Variants in DGKB observed in about 807,000 individuals in gnomAD.
DGKB encodes diacylglycerol kinase beta.
In DGKB, 67 loss-of-function variants were observed where a neutral mutation model predicts 114.3. The ratio of observed to expected loss-of-function variants is 0.59; its 90% CI spans 0.48 to 0.72. The LOEUF (loss-of-function observed/expected upper bound fraction) is 0.72. DGKB is among the 30% of genes least tolerant of loss of function. The probability of loss-of-function intolerance (pLI) is 0.00; values close to 1 mark genes in which losing one functional copy is unlikely to be tolerated. For synonymous variants in DGKB, 398 were observed against 323.1 expected, an observed-to-expected ratio of 1.23 and a Z score of -2.49; for missense variants, 907 against 975.2, an observed-to-expected ratio of 0.93 and a Z score of 0.93.
chr7:14,556,637 A>T (rs1359491030), intron 20 of DGKB, among the ~76,000 whole-genome samples: 3 of 152,136 alleles, frequency 2.0e-5, no homozygotes. Flanking sequence ...GTTTTTATTT[A>T]AAACAAATAA....
chr7:14,298,407 C>T (rs1464771687), intron 23 of DGKB, among the ~76,000 whole-genome samples: 2 of 152,116 alleles, frequency 1.3e-5, no homozygotes, highest in East Asian at 3.9e-4. Context: ...CACCACATAT[C>T]TATAACCATC....
intron 23 of DGKB, among the ~76,000 whole-genome samples, chr7:14,225,568 G>A (rs1290390570): frequency 6.6e-6 from 1 of 151,966 alleles, no homozygotes; most frequent in South Asian, 2.1e-4. Flanking sequence ...TGAAATGTTT[G>A]TCCTTTTTTT....
intron 25 of DGKB, among the ~76,000 whole-genome samples, chr7:14,153,383 T>C (rs901491153): frequency 5.3e-5 from 8 of 152,124 alleles, no homozygotes; most frequent in African/African-American, 1.7e-4. Flanking sequence ...GTACCTGCTA[T>C]TGAAATTATT....
chr7:14,908,095 A>G (rs1161184685), upstream of DGKB, among the ~76,000 whole-genome samples: 3 of 152,206 alleles, frequency 2.0e-5, no homozygotes, highest in Admixed American at 6.5e-5. Flanking sequence ...ACTATAATTG[A>G]TTTAGCAATG....
intron 23 of DGKB, among the ~76,000 whole-genome samples, chr7:14,205,741 T>C (rs1204711126): frequency 6.6e-6 from 1 of 151,982 alleles, no homozygotes; most frequent in Non-Finnish European, 1.5e-5. Flanking sequence ...TTGTGATTTG[T>C]CTTCTGATCT....
intron 21 of DGKB, among the ~76,000 whole-genome samples, chr7:14,421,737 T>C (rs575224922): frequency 1.2e-4 from 19 of 152,194 alleles, no homozygotes; most frequent in South Asian, 4.1e-4. Context: ...TGGAAAGCAA[T>C]ATTTAGTATC....
chr7:14,711,510 A>G (rs1180878322), intron 6 of DGKB, among the ~76,000 whole-genome samples: 2 of 152,162 alleles, frequency 1.3e-5, no homozygotes, highest in Non-Finnish European at 2.9e-5. Flanking sequence ...GTACCACTAT[A>G]GTAACAGTAA....
intron 23 of DGKB, among the ~76,000 whole-genome samples, chr7:14,265,817 C>T (rs1404140581): frequency 2.6e-5 from 4 of 152,142 alleles, no homozygotes; most frequent in Non-Finnish European, 5.9e-5. Flanking sequence ...ATGATTGGGC[C>T]AAGTACTTGT....
chr7:14,656,372 G>C (rs906527574), intron 13 of DGKB, among the ~76,000 whole-genome samples: 4 of 151,004 alleles, frequency 2.6e-5, no homozygotes, highest in Non-Finnish European at 5.9e-5. Flanking sequence ...CCTATAATAG[G>C]TTTTTGGATA....
intron 1 of DGKB, among the ~76,000 whole-genome samples, chr7:14,952,361 G>C (rs924941217): frequency 6.6e-6 from 1 of 151,880 alleles, no homozygotes; most frequent in Admixed American, 6.6e-5. Flanking sequence ...ATATAACATC[G>C]CACGTACATG....
At chr7:14,270,074 A>T (rs896948690) in intron 23 of DGKB, among the ~76,000 whole-genome samples, 1 of 147,056 alleles carries the variant, frequency 6.8e-6, no homozygotes, top group Non-Finnish European at 1.5e-5. Context: ...AAAAAAAAAA[A>T]AGAGAGAGAT....
At chr7:14,890,699 A>C (rs930900291) in intron 1 of DGKB, among the ~76,000 whole-genome samples, 1 of 151,320 alleles carries the variant, frequency 6.6e-6, no homozygotes, top group Non-Finnish European at 1.5e-5. Context: ...TACACCGGCT[A>C]ATCACCTATT....
chr7:14,925,829 G>T (rs1003366607), intron 1 of DGKB, among the ~76,000 whole-genome samples: 17 of 151,912 alleles, frequency 1.1e-4, no homozygotes, highest in Admixed American at 4.6e-4. Flanking sequence ...TTTTCTATGT[G>T]GACCTTCATG....
intron 20 of DGKB, among the ~76,000 whole-genome samples, chr7:14,555,695 T>C (rs902211107): frequency 2.6e-5 from 4 of 152,094 alleles, no homozygotes; most frequent in Non-Finnish European, 4.4e-5. Context: ...TGGTACAAGA[T>C]ACAGGTCATA....
chr7:14,227,437 C>T (rs1237834165), intron 23 of DGKB, among the ~76,000 whole-genome samples: 1 of 151,914 alleles, frequency 6.6e-6, no homozygotes, highest in Non-Finnish European at 1.5e-5. Flanking sequence ...AACAAACTAG[C>T]CAATGCAAAT....
intron 8 of DGKB, among the ~76,000 whole-genome samples, chr7:14,696,019 T>C (rs1024660681): frequency 4.6e-5 from 7 of 152,152 alleles, no homozygotes; most frequent in African/African-American, 1.7e-4. Context: ...TTATTACTTG[T>C]ATTCTCCATT....
At chr7:14,834,756 C>T (rs2041409) in intron 2 of DGKB, among the ~76,000 whole-genome samples, 63,734 of 151,998 alleles carry the variant, frequency 0.42, 14,057 homozygotes, top group South Asian at 0.62. Flanking sequence ...CTTTGACCAA[C>T]ATTCCACAGA....
intron 23 of DGKB, among the ~76,000 whole-genome samples, chr7:14,181,340 A>G (rs1782611113): frequency 6.6e-6 from 1 of 152,190 alleles, no homozygotes; most frequent in Non-Finnish European, 1.5e-5. Flanking sequence ...TAAATGCTAA[A>G]TGGCAATTTA....
intron 1 of DGKB, among the ~76,000 whole-genome samples, chr7:14,945,956 A>C (rs1345376235): frequency 6.6e-6 from 1 of 151,616 alleles, no homozygotes; most frequent in Non-Finnish European, 1.5e-5. Context: ...TTTCAAGGGG[A>C]GAATATTTCA....
Sources: gnomAD v4.1 joint callset for allele counts (sites outside exome capture counted in the v4.1 genomes callset) on GRCh38, gnomAD v4.1.1 for gene constraint, MANE v1.5 for transcripts, NCBI Gene and HGNC (gene_info 2026-07-23, HGNC 2026-07-21) for gene names.